GLRA3: variants seen among roughly 807,000 people sequenced by gnomAD.
GLRA3 encodes the protein glycine receptor alpha 3, also known as glycine receptor subunit alpha-3.
In GLRA3, 44 loss-of-function variants were observed where a neutral mutation model predicts 60.4. The ratio of observed to expected loss-of-function variants is 0.73; its 90% CI spans 0.57 to 0.94. The LOEUF (loss-of-function observed/expected upper bound fraction) is 0.94, where lower values mean the gene tolerates loss of function less well. Ranked by LOEUF, GLRA3 falls within the 40% of genes least tolerant of loss-of-function variation. The pLI, the probability that GLRA3 is intolerant of heterozygous loss-of-function variation, is 0.00. For missense variants in GLRA3, 508 were observed against 564.6 expected (o/e 0.90, Z 1.02); for synonymous variants, 223 against 192.9 (o/e 1.16, Z -1.29).
At chr4:174,719,058 G>T (rs1345305291) in intron 4 of GLRA3, among the ~76,000 whole-genome samples, 1 of 148,540 alleles carries the variant, frequency 6.7e-6, no homozygotes, top group Admixed American at 6.9e-5. Flanking sequence ...CGCCCCCTGG[G>T]GTTCACCCCA....
intron 3 of GLRA3, among the ~76,000 whole-genome samples, chr4:174,753,087 G>T (rs377499749): frequency 6.6e-6 from 1 of 152,134 alleles, no homozygotes; most frequent in Non-Finnish European, 1.5e-5. Flanking sequence ...ATATGTCATT[G>T]TTGAGAAGGA....
intron 9 of GLRA3, among the ~76,000 whole-genome samples, chr4:174,649,695 C>G (rs9998793): frequency 6.6e-6 from 1 of 151,742 alleles, no homozygotes; most frequent in Admixed American, 6.6e-5. Context: ...AGAAGTTTCC[C>G]AACAGCCTCC....
chr4:174,670,500 C>T (rs779545790), intron 7 of GLRA3, among the ~76,000 whole-genome samples: 10 of 152,200 alleles, frequency 6.6e-5, no homozygotes, highest in East Asian at 1.9e-4. Flanking sequence ...TATATATGAA[C>T]GTGGTGGATG....
chr4:174,706,297 C>A (rs766670189), intron 5 of GLRA3, among the ~76,000 whole-genome samples: 1 of 151,912 alleles, frequency 6.6e-6, no homozygotes, highest in African/African-American at 2.4e-5. Flanking sequence ...GTCAAGCTAT[C>A]GATAAATCTT....
intron 1 of GLRA3, among the ~76,000 whole-genome samples, chr4:174,820,093 T>C (rs1740679262): frequency 6.6e-6 from 1 of 151,800 alleles, no homozygotes. Context: ...AAGAGTAGAG[T>C]TGGGAATTGT....
chr4:174,699,655 T>G (rs1231701156), intron 5 of GLRA3, among the ~76,000 whole-genome samples: 1 of 152,142 alleles, frequency 6.6e-6, no homozygotes, highest in African/African-American at 2.4e-5. Context: ...AAGGATCACT[T>G]AAGAAGTATT....
At chr4:174,764,930 A>C (rs1198615294) in intron 3 of GLRA3, among the ~76,000 whole-genome samples, 2 of 152,096 alleles carry the variant, frequency 1.3e-5, no homozygotes, top group African/African-American at 4.8e-5. Flanking sequence ...AAGAATAAAA[A>C]GAAAAATACC....
intron 4 of GLRA3, among the ~76,000 whole-genome samples, chr4:174,716,636 C>T (rs1735928601): frequency 1.3e-5 from 2 of 152,070 alleles, no homozygotes; most frequent in Non-Finnish European, 2.9e-5. Flanking sequence ...AACTTCGTGA[C>T]CCTAGGCAGA....
intron 1 of GLRA3, among the ~76,000 whole-genome samples, chr4:174,819,697 C>T (rs899950589): frequency 4.6e-5 from 7 of 152,156 alleles, no homozygotes; most frequent in African/African-American, 1.4e-4. Flanking sequence ...TTTATAGAGA[C>T]TCACAGGATT....
At chr4:174,691,247 A>C (rs9884969) in intron 5 of GLRA3, among the ~76,000 whole-genome samples, 28,178 of 152,162 alleles carry the variant, frequency 0.19, 2,869 homozygotes, top group East Asian at 0.34. Flanking sequence ...GACTAGTGTA[A>C]GATGGTATCT....
intron 1 of GLRA3, among the ~76,000 whole-genome samples, chr4:174,817,015 C>T (rs111316767): frequency 3.3e-5 from 5 of 152,178 alleles, no homozygotes; most frequent in African/African-American, 1.2e-4. Flanking sequence ...CCTTTCCTAC[C>T]TGTCACAGTT....
chr4:174,818,334 A>G (rs558632534), intron 1 of GLRA3, among the ~76,000 whole-genome samples: 1 of 152,294 alleles, frequency 6.6e-6, no homozygotes, highest in South Asian at 2.1e-4. Context: ...TTTTTTTCAT[A>G]TCAAGCTTTT....
At chr4:174,741,097 G>A (rs553191641) in intron 3 of GLRA3, among the ~76,000 whole-genome samples, 106 of 152,234 alleles carry the variant, frequency 7.0e-4, no homozygotes, top group Non-Finnish European at 1.1e-3. Context: ...AAATATCTAC[G>A]AGTGAGATTA....
At position 174,670,813 on chromosome 4, in the gene GLRA3, G is replaced by T. The variant is rs1310261795; in HGVS notation, c.927+6265C>A. 3.9e-5 allele frequency among the ~76,000 whole-genome samples: 6 copies of T among 152,186 alleles called. No individual in the cohort carries two copies. In the East Asian group the frequency reaches 7.7e-4, roughly 20 times the overall value. On this transcript the variant is annotated intron_variant, in intron 7 of 9. Transcript: ENST00000274093. Reference sequence around the variant, plus strand: ...AGTCTAGTAAAGGAGGTCCTAAGATGAAATGTAGAACTAGAGATATCCATC... The same window carrying T: ...AGTCTAGTAAAGGAGGTCCTAAGATTAAATGTAGAACTAGAGATATCCATC...
chr4:174,780,615 G>A (rs1169112784), intron 2 of GLRA3, among the ~76,000 whole-genome samples: 2 of 150,634 alleles, frequency 1.3e-5, no homozygotes, highest in African/African-American at 4.9e-5. Flanking sequence ...AAGGATGGAG[G>A]AAGATCTACC....
Position 174,682,822 on chromosome 4 carries a change from C to A in GLRA3, c.692G>T (p.Cys231Phe). 2 of 1,612,464 alleles carry A rather than the reference C, an allele frequency of 1.2e-6. No homozygotes were observed. The highest frequency in any genetic ancestry group is 1.7e-6 in the Non-Finnish European group (2 of 1,178,568). The change falls in exon 6 of 10, where the codon TGC becomes TTC. Residue 231 changes from cysteine to phenylalanine, a missense_variant. Coordinates refer to ENST00000274093, the MANE Select transcript of GLRA3 (RefSeq NM_006529.4). Reference protein sequence around the residue: ...LLKEEKDLRYCTKHYNTGKFT... With the variant: ...LLKEEKDLRYFTKHYNTGKFT... The stretch of plus-strand genomic sequence containing the variant: ...CCTACCTGTATTGTAATGTTTAGTG[C>A]AGTATCGTAAATCTTTTTCTTCTTT...
intron 5 of GLRA3, among the ~76,000 whole-genome samples, chr4:174,696,786 G>A (rs181842823): frequency 5.3e-5 from 8 of 152,082 alleles, no homozygotes; most frequent in Admixed American, 1.3e-4. Flanking sequence ...ATACACATAT[G>A]TATTCATAGA....
At chr4:174,652,552 G>C (rs4128165) in intron 9 of GLRA3, among the ~76,000 whole-genome samples, 1 of 151,704 alleles carries the variant, frequency 6.6e-6, no homozygotes, top group Non-Finnish European at 1.5e-5. Flanking sequence ...TTTTACAGGA[G>C]TATCTTTTTT....
intron 5 of GLRA3, among the ~76,000 whole-genome samples, chr4:174,690,981 G>C (rs182873494): frequency 6.6e-6 from 1 of 152,128 alleles, no homozygotes; most frequent in Admixed American, 6.5e-5. Context: ...GTAAACATTC[G>C]TGTGCATGTG....
Sources: allele counts gnomAD v4.1 joint callset (sites outside exome capture counted in the v4.1 genomes callset), GRCh38; gene constraint gnomAD v4.1.1; transcripts MANE v1.5; gene names NCBI Gene and HGNC (gene_info 2026-07-23, HGNC 2026-07-21).